ZNF385B: variants seen among roughly 807,000 people sequenced by gnomAD.
ZNF385B encodes the protein zinc finger protein 533.
Under a neutral mutation model 39.2 loss-of-function variants are expected in ZNF385B, and 23 were observed. That is an observed-to-expected ratio of 0.59 (90% CI 0.42 to 0.83). The LOEUF (loss-of-function observed/expected upper bound fraction) is 0.83. Among genes scored for constraint, ZNF385B ranks in the 40% least tolerant of loss-of-function variants. ZNF385B has a pLI of 0.00. For missense variants in ZNF385B, 552 were observed against 598.9 expected, an observed-to-expected ratio of 0.92 and a Z score of 0.82; for synonymous variants, 205 against 222.6, an observed-to-expected ratio of 0.92 and a Z score of 0.70.
At chr2:179,460,814 C>T (rs893132548) in intron 6 of ZNF385B, among the ~76,000 whole-genome samples, 15 of 152,152 alleles carry the variant, frequency 9.9e-5, no homozygotes, top group African/African-American at 3.6e-4. Context: ...TTCCCTAGCC[C>T]CCTGCCCATG....
In ZNF385B at chr2:179,540,496, C is replaced by CAAA. The variant is rs35763263; in HGVS notation, c.441+4328_441+4330dup. On this transcript the variant is annotated intron_variant, in intron 4 of 9. Coordinates refer to ENST00000410066, the MANE Select transcript of ZNF385B (RefSeq NM_152520.6). Reference sequence around the variant, plus strand: ...ACCAACCAAACAACAACAACAACAACAAAAAAAACCACAGTTTTCAGGAAA... The same window carrying CAAA: ...ACCAACCAAACAACAACAACAACAACAAAAAAAAAAACCACAGTTTTCAGGAAA... 7.1e-3 allele frequency among the ~76,000 whole-genome samples: 1,075 copies of CAAA among 151,386 alleles called. 6 individuals are homozygous for CAAA. The highest frequency in any genetic ancestry group is 0.014 in the South Asian group (66 of 4,798).
intron 6 of ZNF385B, chr2:179,481,227 A>C (rs2053953229): frequency 6.6e-6 from 1 of 152,184 alleles, no homozygotes; most frequent in South Asian, 2.1e-4. Flanking sequence ...TGAGTATTGG[A>C]ATGAAAGCCT....
At chr2:179,800,739 G>C (rs1417110236) in intron 1 of ZNF385B, among the ~76,000 whole-genome samples, 1 of 152,006 alleles carries the variant, frequency 6.6e-6, no homozygotes, top group Non-Finnish European at 1.5e-5. Context: ...AGGTCAATGA[G>C]CCTCCACATA....
rs569980211 is a variant in ZNF385B, at chr2:179,474,999, G to T, written c.715+8273C>A. ...TTAGAAAAGAGGGGCTCAGAGAATTGAGTAACTTCTCTGGAATCACAGCTA... is the reference window on the plus strand; with the variant it reads ...TTAGAAAAGAGGGGCTCAGAGAATTTAGTAACTTCTCTGGAATCACAGCTA... On this transcript the variant is annotated intron_variant, in intron 6 of 9. Transcript: ENST00000410066. Among the ~76,000 whole-genome samples the T allele has an allele frequency of 1.6e-4, 24 of 152,306 alleles. No homozygotes were observed. In the South Asian group the frequency reaches 5.0e-3, roughly 32 times the overall value.
chr2:179,842,979 T>C (rs1708616572), intron 1 of ZNF385B, among the ~76,000 whole-genome samples: 1 of 152,170 alleles, frequency 6.6e-6, no homozygotes. Flanking sequence ...GCTAGGGATA[T>C]ACAGCTTCCC....
At chr2:179,746,267 G>A (rs930087465) in intron 3 of ZNF385B, among the ~76,000 whole-genome samples, 1 of 152,148 alleles carries the variant, frequency 6.6e-6, no homozygotes, top group African/African-American at 2.4e-5. Context: ...CAATGAGCAG[G>A]ATACAGGGAA....
At chr2:179,683,169 C>T (rs1697655136) in intron 3 of ZNF385B, among the ~76,000 whole-genome samples, 1 of 151,968 alleles carries the variant, frequency 6.6e-6, no homozygotes, top group South Asian at 2.1e-4. Context: ...GGGCGGATCA[C>T]CTGAGGTCAA....
intron 5 of ZNF385B, among the ~76,000 whole-genome samples, chr2:179,508,948 C>CTT (rs370767751): frequency 0.014 from 1,964 of 138,774 alleles, 51 homozygotes; most frequent in African/African-American, 0.047. Flanking sequence ...ATCATAATCA[C>CTT]TTTTTTTTTT....
At chr2:179,735,815 A>G (rs1701711297) in intron 3 of ZNF385B, among the ~76,000 whole-genome samples, 1 of 147,654 alleles carries the variant, frequency 6.8e-6, no homozygotes, top group South Asian at 2.2e-4. Flanking sequence ...TCTCACTCAT[A>G]GGTGGGAATT....
intron 3 of ZNF385B, among the ~76,000 whole-genome samples, chr2:179,608,159 C>A (rs574764358): frequency 5.3e-5 from 8 of 152,260 alleles, no homozygotes; most frequent in Non-Finnish European, 1.2e-4. Flanking sequence ...GCTGATCCAC[C>A]CACCTCAGCC....
At chr2:179,547,026 C>T (rs1288876838) in intron 3 of ZNF385B, among the ~76,000 whole-genome samples, 1 of 149,786 alleles carries the variant, frequency 6.7e-6, no homozygotes, top group Non-Finnish European at 1.5e-5. Flanking sequence ...TGTATGTCTT[C>T]TTTTGAGAAA....
intron 1 of ZNF385B, among the ~76,000 whole-genome samples, chr2:179,813,370 T>C (rs1706854270): frequency 1.3e-5 from 2 of 152,310 alleles, no homozygotes; most frequent in Non-Finnish European, 1.5e-5. Flanking sequence ...AGTTTAATTT[T>C]AAATTGGTCA....
chr2:179,595,497 G>C (rs1216841232), intron 3 of ZNF385B, among the ~76,000 whole-genome samples: 1 of 152,130 alleles, frequency 6.6e-6, no homozygotes, highest in Non-Finnish European at 1.5e-5. Flanking sequence ...CAGAGGTGCA[G>C]GGTGGTGATG....
At chr2:179,647,546 G>A (rs1692827975) in intron 3 of ZNF385B, among the ~76,000 whole-genome samples, 1 of 152,060 alleles carries the variant, frequency 6.6e-6, no homozygotes, top group Non-Finnish European at 1.5e-5. Flanking sequence ...TAGTGAATAT[G>A]GTATTGGAAT....
At chr2:179,479,913 C>T (rs1011060748) in intron 6 of ZNF385B, among the ~76,000 whole-genome samples, 1 of 152,096 alleles carries the variant, frequency 6.6e-6, no homozygotes, top group Admixed American at 6.6e-5. Flanking sequence ...GAAATCACAC[C>T]TTGCCTTAAA....
At chr2:179,826,874 T>G (rs1021724300) in intron 1 of ZNF385B, among the ~76,000 whole-genome samples, 1 of 152,158 alleles carries the variant, frequency 6.6e-6, no homozygotes, top group African/African-American at 2.4e-5. Flanking sequence ...CCAGTTGACT[T>G]TGGTGTCTGT....
chr2:179,781,105 A>G (rs1440557521), intron 1 of ZNF385B, among the ~76,000 whole-genome samples: 1 of 152,214 alleles, frequency 6.6e-6, no homozygotes. Flanking sequence ...AATCTTAACC[A>G]AAGTCCTGGC....
intron 1 of ZNF385B, among the ~76,000 whole-genome samples, chr2:179,797,042 T>C (rs1705707837): frequency 6.6e-6 from 1 of 152,162 alleles, no homozygotes; most frequent in Non-Finnish European, 1.5e-5. Context: ...ATTATGAATG[T>C]ACTTTTGGGA....
intron 3 of ZNF385B, among the ~76,000 whole-genome samples, chr2:179,647,177 A>AG (rs1223073946): frequency 6.6e-6 from 1 of 152,236 alleles, no homozygotes; most frequent in Non-Finnish European, 1.5e-5. Flanking sequence ...TTCCATAGTT[A>AG]GCATGAAAGA....
Sources: allele counts gnomAD v4.1 joint callset (sites outside exome capture counted in the v4.1 genomes callset), GRCh38; gene constraint gnomAD v4.1.1; transcripts MANE v1.5; gene names NCBI Gene and HGNC (gene_info 2026-07-23, HGNC 2026-07-21).